MAP2K5: variants seen among roughly 807,000 people sequenced by gnomAD.
MAP2K5 encodes mitogen-activated protein kinase kinase 5, also known as dual specificity mitogen-activated protein kinase kinase 5.
Under a neutral mutation model 83.1 loss-of-function variants are expected in MAP2K5, and 49 were observed. That is an observed-to-expected ratio of 0.59 (90% CI 0.47 to 0.75). MAP2K5 has a LOEUF of 0.75. Among genes scored for constraint, MAP2K5 ranks in the 30% least tolerant of loss-of-function variants. The probability of loss-of-function intolerance (pLI) is 0.00; values close to 1 mark genes in which losing one functional copy is unlikely to be tolerated. For synonymous variants in MAP2K5, 202 were observed against 191.8 expected (o/e 1.05, Z -0.44); for missense variants, 457 against 557.5 (o/e 0.82, Z 1.82).
In MAP2K5 at chr15:67,592,959, A is replaced by G. The variant is rs755138084; in HGVS notation, c.465A>G (p.Ile155Met). Reference protein sequence around the residue: ...LKKSSAELKKILANGQMNEQD... With the variant: ...LKKSSAELKKMLANGQMNEQD... The stretch of plus-strand genomic sequence containing the variant: ...AGTCTTCTGCTGAACTGAAAAAAAT[A>G]CTAGCCAATGGCCAGGTAGGTATTA... Residue 155 changes from isoleucine to methionine, a missense_variant, in exon 7 of 22, where the codon ATA becomes ATG. Coordinates refer to ENST00000178640, the MANE Select transcript of MAP2K5 (RefSeq NM_145160.3). The G allele has an allele frequency of 1.2e-6, 2 of 1,606,424 alleles. No individual in the cohort carries two copies. Among genetic ancestry groups the G allele is most frequent in the Admixed American group, 1.7e-5 (1 of 59,530 alleles).
intron 9 of MAP2K5, 76 bp downstream of exon 9, chr15:67,631,003 AT>A: frequency 8.4e-7 from 1 of 1,184,438 alleles, no homozygotes; most frequent in Non-Finnish European, 1.2e-6. Flanking sequence ...AGTCACAGAT[AT>A]TGTCAAAGAG....
At chr15:67,593,035 G>A (rs567145953) in intron 7 of MAP2K5, 61 bp downstream of exon 7, 12 of 1,072,118 alleles carry the variant, frequency 1.1e-5, no homozygotes, top group African/African-American at 3.2e-5. Context: ...TCCAGTTTTT[G>A]TATCCATAAG....
chr15:67,592,424 A>G (rs912939098), intron 6 of MAP2K5, among the ~76,000 whole-genome samples: 3 of 152,198 alleles, frequency 2.0e-5, no homozygotes, highest in African/African-American at 7.2e-5. Flanking sequence ...CTTGTCCCAG[A>G]TCACACAGCT....
chr15:67,635,317 G>A (rs57989358), intron 9 of MAP2K5, among the ~76,000 whole-genome samples: 23,097 of 151,464 alleles, frequency 0.15, 2,250 homozygotes, highest in African/African-American at 0.27. Flanking sequence ...TGGGACTACA[G>A]GCGCCTGCCA....
At chr15:67,623,738 C>T (rs1053966835) in intron 8 of MAP2K5, among the ~76,000 whole-genome samples, 2 of 151,794 alleles carry the variant, frequency 1.3e-5, no homozygotes, top group East Asian at 3.9e-4. Flanking sequence ...GCTGGGATTA[C>T]AGGCACCCAC....
chr15:67,744,992 AGTGTG>A (rs1407771078), intron 17 of MAP2K5, among the ~76,000 whole-genome samples: 1 of 152,138 alleles, frequency 6.6e-6, no homozygotes, highest in Middle Eastern at 3.2e-3. Context: ...ATCCCCTGTT[AGTGTG>A]GTTTTAAATC....
chr15:67,634,879 TGA>T lies in MAP2K5; in HGVS notation c.585+3956_585+3957del, dbSNP rs533301443. Among the ~76,000 whole-genome samples, 162 of 152,290 alleles carry T rather than the reference TGA, an allele frequency of 1.1e-3. 1 individual carries two copies. The highest frequency in any genetic ancestry group is 3.8e-3 in the African/African-American group (158 of 41,564). Reference sequence around the variant, plus strand: ...AGTTGGATGATCTCTGCTTTTTAAGTGAGAGTATTGAGACTATTTACATTTCA... The same window carrying T: ...AGTTGGATGATCTCTGCTTTTTAAGTGAGTATTGAGACTATTTACATTTCA... On this transcript the variant is annotated intron_variant, in intron 9 of 21. Coordinates refer to ENST00000178640, the MANE Select transcript of MAP2K5 (RefSeq NM_145160.3).
At chr15:67,569,760 G>A (rs956284487) in intron 3 of MAP2K5, among the ~76,000 whole-genome samples, 1 of 152,134 alleles carries the variant, frequency 6.6e-6, no homozygotes, top group African/African-American at 2.4e-5. Context: ...GGGCACTCTG[G>A]GGACCACTGG....
At chr15:67,761,863 T>C (rs545345263) in intron 19 of MAP2K5, among the ~76,000 whole-genome samples, 2 of 152,364 alleles carry the variant, frequency 1.3e-5, no homozygotes, top group South Asian at 4.1e-4. Flanking sequence ...AGCACTTCTG[T>C]AGAACCAGCT....
intron 11 of MAP2K5, among the ~76,000 whole-genome samples, chr15:67,656,747 T>G (rs1441838404): frequency 4.6e-5 from 7 of 152,198 alleles, no homozygotes; most frequent in Non-Finnish European, 4.4e-5. Flanking sequence ...TTTTCCCACC[T>G]GTCAAGTAAA....
Position 67,755,745 on chromosome 15 carries a change from A to G in MAP2K5, c.1134+7144A>G, listed in dbSNP as rs2089821298. 6.6e-6 allele frequency among the ~76,000 whole-genome samples: 1 copy of G among 152,244 alleles called. No homozygotes were observed. Among genetic ancestry groups the G allele is most frequent in the Admixed American group, 6.5e-5 (1 of 15,288 alleles). On this transcript the variant is annotated intron_variant, in intron 19 of 21. Transcript: ENST00000178640. This position sits in a 1 kb window ranked among gnomAD's most constrained non-coding sequence, Gnocchi z 4.7. ...TGTCTTCATTAAGTTTTATGGTTAA[A>G]TAGAGTCATAAGAACTTGCAGAAGA...
chr15:67,654,592 T>C (rs1003283226), intron 11 of MAP2K5, among the ~76,000 whole-genome samples: 3 of 152,228 alleles, frequency 2.0e-5, no homozygotes, highest in African/African-American at 7.2e-5. Flanking sequence ...GTCTTTCATG[T>C]TCTGTTGTTG....
At chr15:67,615,220 A>T (rs2086028973) in intron 8 of MAP2K5, among the ~76,000 whole-genome samples, 1 of 151,978 alleles carries the variant, frequency 6.6e-6, no homozygotes, top group Non-Finnish European at 1.5e-5. Context: ...CTAATCTCGA[A>T]CTCCTGACCT....
chr15:67,720,796 A>C lies in MAP2K5; in HGVS notation c.1045-7120A>C, dbSNP rs938072639. 5.3e-5 allele frequency among the ~76,000 whole-genome samples: 8 copies of C among 152,180 alleles called. No homozygotes were observed. Among genetic ancestry groups the C allele is most frequent in the Admixed American group, 1.3e-4 (2 of 15,274 alleles). ...AAGCACATATGCTCCAGTCACAGCTAAACTTTGCTGGAGTAATATTCCAGG... is the reference window on the plus strand; with the variant it reads ...AAGCACATATGCTCCAGTCACAGCTCAACTTTGCTGGAGTAATATTCCAGG... On this transcript the variant is annotated intron_variant, in intron 16 of 21. Coordinates refer to ENST00000178640, the MANE Select transcript of MAP2K5 (RefSeq NM_145160.3). The surrounding 1 kb of genome is among the most constrained non-coding windows in gnomAD (Gnocchi z 5.7).
At position 67,636,221 on chromosome 15, in the gene MAP2K5, A is replaced by T. The variant is rs2086599949; in HGVS notation, c.585+5294A>T. Among the ~76,000 whole-genome samples the T allele has an allele frequency of 1.3e-5, 2 of 152,270 alleles. No homozygotes were observed. The highest frequency in any genetic ancestry group is 4.1e-4 in the South Asian group (2 of 4,832). On this transcript the variant is annotated intron_variant, in intron 9 of 21. Coordinates refer to ENST00000178640, the MANE Select transcript of MAP2K5 (RefSeq NM_145160.3). The surrounding 1 kb of genome is among the most constrained non-coding windows in gnomAD (Gnocchi z 4.7). ...AGGTCAGGAGATCGAGACCATCCTAACACGGTGAAACCCCATTTCTACTAA... is the reference window on the plus strand; with the variant it reads ...AGGTCAGGAGATCGAGACCATCCTATCACGGTGAAACCCCATTTCTACTAA...
chr15:67,738,230 CTTG>C lies in MAP2K5; in HGVS notation c.1075-9998_1075-9996del, dbSNP rs901570732. 1.1e-4 allele frequency among the ~76,000 whole-genome samples: 17 copies of C among 152,138 alleles called. No homozygotes were observed. The highest frequency in any genetic ancestry group is 4.1e-4 in the African/African-American group (17 of 41,432). On this transcript the variant is annotated intron_variant, in intron 17 of 21. Coordinates refer to ENST00000178640, the MANE Select transcript of MAP2K5 (RefSeq NM_145160.3). The surrounding 1 kb of genome is among the most constrained non-coding windows in gnomAD (Gnocchi z 4.1). Reference sequence around the variant, plus strand: ...AGACCAAAGGGGTAATGAAGCTTGTCTTGTTTTGTTTTCTGTTCAGAAACAAGT... The same window carrying C: ...AGACCAAAGGGGTAATGAAGCTTGTCTTTTGTTTTCTGTTCAGAAACAAGT...
At position 67,561,616 on chromosome 15, in the gene MAP2K5, A is replaced by G. The variant is rs1218147320; in HGVS notation, c.185-1667A>G. On this transcript the variant is annotated intron_variant, in intron 2 of 21. Coordinates refer to ENST00000178640, the MANE Select transcript of MAP2K5 (RefSeq NM_145160.3). This position sits in a 1 kb window ranked among gnomAD's most constrained non-coding sequence, Gnocchi z 4.2. ...GAGTTGGGGAACTCTGCAGCAGTGA[A>G]CCAGGATCCAGAAACAAGTGCTTGG... is the stretch of plus-strand genomic sequence containing the variant. Among the ~76,000 whole-genome samples the G allele has an allele frequency of 2.0e-5, 3 of 152,190 alleles. No homozygotes were observed. The highest frequency in any genetic ancestry group is 1.3e-4 in the Admixed American group (2 of 15,274).
At position 67,791,506 on chromosome 15, in the gene MAP2K5, A is replaced by T. The variant is rs150400737; in HGVS notation, c.1243-15140A>T. 2.6e-4 allele frequency among the ~76,000 whole-genome samples: 40 copies of T among 152,300 alleles called. 1 individual carries two copies. The highest frequency in any genetic ancestry group is 6.8e-3 in the Middle Eastern group (2 of 294). ...TTACTTTCTGATAGGGCTTTTGGAG[A>T]TCACATGAACTAATGTAAATGAAAG... On this transcript the variant is annotated intron_variant, in intron 21 of 21. Transcript: ENST00000178640.
chr15:67,796,596 A>G lies in MAP2K5; in HGVS notation c.1243-10050A>G, dbSNP rs113486801. On this transcript the variant is annotated intron_variant, in intron 21 of 21. Transcript: ENST00000178640. ...CACCTCCTACCAGGCCCCATCCCCA[A>G]CATTGGTGATTACATTTCAACATGT... is the stretch of plus-strand genomic sequence containing the variant. Among the ~76,000 whole-genome samples the G allele has an allele frequency of 4.0e-3, 605 of 152,314 alleles. 5 individuals are homozygous for G. The highest frequency in any genetic ancestry group is 0.014 in the African/African-American group (578 of 41,554).
Sources: allele counts gnomAD v4.1 joint callset (sites outside exome capture counted in the v4.1 genomes callset), GRCh38; gene constraint gnomAD v4.1.1; non-coding constraint Gnocchi (gnomAD v3.1); transcripts MANE v1.5; gene names NCBI Gene and HGNC (gene_info 2026-07-23, HGNC 2026-07-21).